GRID2: variants seen among roughly 807,000 people sequenced by gnomAD.
GRID2 encodes glutamate receptor ionotropic, delta-2.
In GRID2, 33 loss-of-function variants were observed where a neutral mutation model predicts 114.8. The observed-to-expected ratio is 0.29, with a 90% confidence interval of 0.22 to 0.38. The LOEUF (loss-of-function observed/expected upper bound fraction) is 0.38, where lower values mean the gene tolerates loss of function less well. GRID2 is among the 10% of genes least tolerant of loss of function. GRID2 has a pLI of 1.00. For missense variants in GRID2, 1,184 were observed against 1,257.7 expected (o/e 0.94, Z 0.89); for synonymous variants, 505 against 449.9 (o/e 1.12, Z -1.55).
chr4:92,777,909 G>A (rs1309165376), intron 2 of GRID2, among the ~76,000 whole-genome samples: 3 of 152,020 alleles, frequency 2.0e-5, no homozygotes, highest in South Asian at 2.1e-4. Flanking sequence ...CTGTGGTATT[G>A]GGTATTTTGT....
intron 12 of GRID2, 79 bp from the exon 13 acceptor site, chr4:93,515,137 T>C (rs1729581440): frequency 1.8e-6 from 1 of 566,132 alleles, no homozygotes; most frequent in Non-Finnish European, 2.9e-6. Flanking sequence ...ATTGCCTTTT[T>C]TTTTCTTTTA....
At chr4:93,035,524 G>A (rs1372071089) in intron 2 of GRID2, among the ~76,000 whole-genome samples, 3 of 152,024 alleles carry the variant, frequency 2.0e-5, no homozygotes, top group African/African-American at 4.8e-5. Context: ...TCTGTGGGTC[G>A]CCTGCAAACT....
At chr4:92,875,255 C>G (rs572014522) in intron 2 of GRID2, among the ~76,000 whole-genome samples, 2 of 150,734 alleles carry the variant, frequency 1.3e-5, no homozygotes, top group Non-Finnish European at 2.9e-5. Context: ...CTCTGCCTCC[C>G]GGGTACACGC....
intron 1 of GRID2, among the ~76,000 whole-genome samples, chr4:92,576,591 A>G (rs180964836): frequency 6.6e-6 from 1 of 152,182 alleles, no homozygotes; most frequent in Non-Finnish European, 1.5e-5. Context: ...CTGGGGCTGG[A>G]GTATGTAAAG....
intron 10 of GRID2, among the ~76,000 whole-genome samples, chr4:93,449,994 T>C (rs1241611758): frequency 6.6e-6 from 1 of 151,998 alleles, no homozygotes. Context: ...AGTTTGATAG[T>C]GTTTATTTTA....
intron 14 of GRID2, among the ~76,000 whole-genome samples, chr4:93,633,967 C>T (rs906741358): frequency 1.6e-4 from 25 of 152,212 alleles, no homozygotes; most frequent in South Asian, 8.3e-4. Flanking sequence ...ATGGCTTAAG[C>T]TCTGTATTCA....
At chr4:92,401,405 T>C (rs1450495173) in intron 1 of GRID2, among the ~76,000 whole-genome samples, 1 of 152,194 alleles carries the variant, frequency 6.6e-6, no homozygotes, top group Non-Finnish European at 1.5e-5. Context: ...GGTTTTTTAA[T>C]GTAATAATTT....
At chr4:93,004,250 A>C (rs762636493) in intron 2 of GRID2, among the ~76,000 whole-genome samples, 6 of 151,870 alleles carry the variant, frequency 4.0e-5, no homozygotes, top group African/African-American at 1.2e-4. Context: ...AGATTTGATC[A>C]TGGTCTAATG....
At chr4:93,459,702 A>G (rs1723558743) in intron 11 of GRID2, among the ~76,000 whole-genome samples, 1 of 152,124 alleles carries the variant, frequency 6.6e-6, no homozygotes, top group Non-Finnish European at 1.5e-5. Context: ...CTATTCTTGA[A>G]CTTCAGATTT....
intron 10 of GRID2, among the ~76,000 whole-genome samples, chr4:93,452,424 G>C (rs1226264453): frequency 6.6e-6 from 1 of 152,152 alleles, no homozygotes; most frequent in Non-Finnish European, 1.5e-5. Context: ...AGTAACCAGA[G>C]AGTAGAGGGA....
chr4:92,728,312 G>A (rs1736159117), intron 2 of GRID2, among the ~76,000 whole-genome samples: 1 of 152,054 alleles, frequency 6.6e-6, no homozygotes, highest in Admixed American at 6.6e-5. Flanking sequence ...CACAATTGCT[G>A]TGGGTCAGAA....
chr4:92,920,057 A>AT (rs1312065424), intron 2 of GRID2, among the ~76,000 whole-genome samples: 1 of 152,128 alleles, frequency 6.6e-6, no homozygotes, highest in Non-Finnish European at 1.5e-5. Flanking sequence ...TGTATTTAGG[A>AT]TAGTTAGCTC....
chr4:92,507,735 T>G (rs1023972937), intron 1 of GRID2, among the ~76,000 whole-genome samples: 1 of 151,976 alleles, frequency 6.6e-6, no homozygotes, highest in African/African-American at 2.4e-5. Context: ...CAGTGCTTCT[T>G]GCCTCAGTTG....
chr4:92,393,795 C>G (rs190220443), intron 1 of GRID2, among the ~76,000 whole-genome samples: 1 of 152,068 alleles, frequency 6.6e-6, no homozygotes. Context: ...AAAGCTAACT[C>G]GATGTTCATT....
chr4:93,738,028 T>C (rs1051172447), intron 14 of GRID2, among the ~76,000 whole-genome samples: 1 of 152,150 alleles, frequency 6.6e-6, no homozygotes, highest in Non-Finnish European at 1.5e-5. Flanking sequence ...TATGAACGGA[T>C]TGGAATATGT....
At chr4:93,707,707 T>C (rs1310991475) in intron 14 of GRID2, among the ~76,000 whole-genome samples, 3 of 151,970 alleles carry the variant, frequency 2.0e-5, no homozygotes, top group African/African-American at 7.2e-5. Flanking sequence ...CTCTGATCTT[T>C]ATTATTTCTT....
chr4:93,224,361 C>T (rs1371095277), intron 6 of GRID2, among the ~76,000 whole-genome samples: 1 of 152,098 alleles, frequency 6.6e-6, no homozygotes, highest in Non-Finnish European at 1.5e-5. Context: ...GTCGAAATTT[C>T]TTTCTTTCCT....
At chr4:92,819,035 C>T (rs1741095895) in intron 2 of GRID2, among the ~76,000 whole-genome samples, 1 of 152,046 alleles carries the variant, frequency 6.6e-6, no homozygotes, top group Non-Finnish European at 1.5e-5. Context: ...TAGTAATGGG[C>T]ACTGAATCAG....
At chr4:92,685,075 G>A (rs193214813) in intron 2 of GRID2, among the ~76,000 whole-genome samples, 262 of 151,896 alleles carry the variant, frequency 1.7e-3, no homozygotes, top group Admixed American at 7.0e-3. Flanking sequence ...TTGTTAACTC[G>A]TAAATTTATT....
Sources: allele counts gnomAD v4.1 joint callset (sites outside exome capture counted in the v4.1 genomes callset), GRCh38; gene constraint gnomAD v4.1.1; transcripts MANE v1.5; gene names NCBI Gene and HGNC (gene_info 2026-07-23, HGNC 2026-07-21).